Variants in CDYL observed in about 807,000 individuals in gnomAD.
The protein encoded by CDYL is chromodomain Y-like protein.
A neutral mutation model predicts 47.3 loss-of-function variants in CDYL; 8 were observed. The ratio of observed to expected loss-of-function variants is 0.17; its 90% CI spans 0.10 to 0.31. The LOEUF (loss-of-function observed/expected upper bound fraction) is 0.31. Among genes scored for constraint, CDYL ranks in the 10% least tolerant of loss-of-function variants. CDYL has a pLI of 1.00. For synonymous variants in CDYL, 266 were observed against 265.0 expected (o/e 1.00, Z -0.04); for missense variants, 471 against 701.4 (o/e 0.67, Z 3.71).
At chr6:4,814,527 ATTG>A (rs1161913986) in intron 1 of CDYL, among the ~76,000 whole-genome samples, 2 of 151,958 alleles carry the variant, frequency 1.3e-5, no homozygotes, top group Admixed American at 6.6e-5. Flanking sequence ...GTATTTTGTT[ATTG>A]TTGTTGTTTT....
intron 4 of CDYL, among the ~76,000 whole-genome samples, chr6:4,940,570 C>T (rs114032219): frequency 6.6e-6 from 1 of 152,190 alleles, no homozygotes; most frequent in Non-Finnish European, 1.5e-5. Flanking sequence ...GACGAGGATT[C>T]GTGGTTTGCA....
intron 1 of CDYL, among the ~76,000 whole-genome samples, chr6:4,786,934 G>A (rs1443359792): frequency 1.3e-5 from 2 of 152,186 alleles, no homozygotes; most frequent in Non-Finnish European, 2.9e-5. Context: ...CACTCCTCCT[G>A]TCCTGATTCT....
chr6:4,877,349 T>A (rs1035058544), intron 1 of CDYL, among the ~76,000 whole-genome samples: 1 of 152,260 alleles, frequency 6.6e-6, no homozygotes, highest in Non-Finnish European at 1.5e-5. Flanking sequence ...AATCTTTTTT[T>A]AAATCAATTT....
chr6:4,937,152 T>A (rs1758219919), intron 3 of CDYL, among the ~76,000 whole-genome samples: 1 of 151,838 alleles, frequency 6.6e-6, no homozygotes, highest in Admixed American at 6.6e-5. Flanking sequence ...AGCCCAGGAG[T>A]TCAAGACCAT....
chr6:4,895,410 TAC>T lies in CDYL; in HGVS notation c.691+3032_691+3033del, dbSNP rs766150942. On this transcript the variant is annotated intron_variant, in intron 2 of 6. Transcript: ENST00000397588. ...GTGCATATATGCATGTATACATGTA[TAC>T]GTATATATGCATGTATACATGTATA... 2.9e-5 allele frequency among the ~76,000 whole-genome samples: 2 copies of T among 69,466 alleles called. 1 individual carries two copies. Among genetic ancestry groups the T allele is most frequent in the African/African-American group, 9.4e-5 (2 of 21,210 alleles). The allele number at this position is 69,466 out of a possible 152,430, so 45.6% of individuals were successfully genotyped here. A position where few individuals can be genotyped will look rare whatever the true frequency, so the allele number is the denominator to read the frequency against.
intron 1 of CDYL, among the ~76,000 whole-genome samples, chr6:4,800,104 T>C (rs1325564153): frequency 6.6e-6 from 1 of 152,168 alleles, no homozygotes; most frequent in African/African-American, 2.4e-5. Context: ...TTTAAAATAA[T>C]CGGATAGTCC....
chr6:4,948,279 T>A (rs1758591223), intron 5 of CDYL, among the ~76,000 whole-genome samples: 1 of 152,158 alleles, frequency 6.6e-6, no homozygotes, highest in Non-Finnish European at 1.5e-5. Context: ...CACCTTGATG[T>A]TCAGACACAT....
intron 3 of CDYL, among the ~76,000 whole-genome samples, chr6:4,743,647 C>G (rs1458798259): frequency 6.6e-6 from 1 of 152,180 alleles, no homozygotes; most frequent in Non-Finnish European, 1.5e-5. Flanking sequence ...CACCACTGCT[C>G]CATGTCTGAT....
chr6:4,931,871 A>G (rs1362124117), intron 2 of CDYL, among the ~76,000 whole-genome samples: 4 of 152,184 alleles, frequency 2.6e-5, no homozygotes, highest in African/African-American at 9.7e-5. Context: ...GCCAAAATGA[A>G]TCCATTTTTA....
chr6:4,872,781 T>C (rs1292565274), intron 1 of CDYL, among the ~76,000 whole-genome samples: 1 of 152,234 alleles, frequency 6.6e-6, no homozygotes, highest in African/African-American at 2.4e-5. Context: ...AGAAAATTCT[T>C]AACCTCAAAA....
chr6:4,898,549 C>G (rs1214607297), intron 2 of CDYL, among the ~76,000 whole-genome samples: 2 of 152,158 alleles, frequency 1.3e-5, no homozygotes, highest in Non-Finnish European at 2.9e-5. Context: ...GGGAGTAGTC[C>G]TTTGAGACAT....
chr6:4,935,617 G>A lies in CDYL; in HGVS notation c.794G>A (p.Arg265Lys), dbSNP rs1425976374. The change falls in exon 3 of 7, where the codon AGA becomes AAA. Residue 265 changes from arginine (R) to lysine (K), a missense_variant. By Grantham distance (26) the Arg-to-Lys change is conservative. Coordinates refer to ENST00000397588, the MANE Select transcript of CDYL (RefSeq NM_004824.4). The stretch of plus-strand genomic sequence containing the variant: ...AGCAAAAGGAAATTTATTGACGACA[G>A]AAGAGACCAGCCTTTTGACAAGCGA... ...TASKRKFIDD[R>K]RDQPFDKRLR... The A allele has an allele frequency of 1.9e-6, 3 of 1,614,078 alleles. No individual in the cohort carries two copies. The highest frequency in any genetic ancestry group is 1.3e-5 in the African/African-American group (1 of 74,916).
chr6:4,732,498 T>A (rs899668754), intron 2 of CDYL, among the ~76,000 whole-genome samples: 5 of 150,820 alleles, frequency 3.3e-5, no homozygotes, highest in Middle Eastern at 6.9e-3. Flanking sequence ...TACAAAAACA[T>A]TAAAAAATAA....
chr6:4,863,426 A>C (rs1382914534), intron 1 of CDYL, among the ~76,000 whole-genome samples: 1 of 152,198 alleles, frequency 6.6e-6, no homozygotes, highest in South Asian at 2.1e-4. Flanking sequence ...AATAGAAAAA[A>C]TCGAGTCACA....
chr6:4,852,675 A>G (rs1760886958), intron 1 of CDYL, among the ~76,000 whole-genome samples: 1 of 152,156 alleles, frequency 6.6e-6, no homozygotes, highest in Admixed American at 6.5e-5. Flanking sequence ...GATTATAAGC[A>G]AAGATTTAAC....
At chr6:4,761,505 G>A (rs570942036) in intron 3 of CDYL, among the ~76,000 whole-genome samples, 27 of 152,186 alleles carry the variant, frequency 1.8e-4, no homozygotes, top group Middle Eastern at 3.4e-3. Flanking sequence ...CACCACGCCC[G>A]GCTAATTTTT....
intron 1 of CDYL, among the ~76,000 whole-genome samples, chr6:4,862,587 T>C (rs1761202830): frequency 6.6e-6 from 1 of 152,196 alleles, no homozygotes; most frequent in African/African-American, 2.4e-5. Context: ...TCCCTACCTT[T>C]GGGGGCTGTT....
At position 4,920,081 on chromosome 6, in the gene CDYL, C is replaced by T. The variant is rs78565108; in HGVS notation, c.692-15434C>T. Among the ~76,000 whole-genome samples the T allele has an allele frequency of 1.1e-4, 16 of 152,196 alleles. No homozygotes were observed. In the East Asian group the frequency reaches 1.9e-3, roughly 18 times the overall value. The stretch of plus-strand genomic sequence containing the variant: ...GGATGAACCTTGCGGACATGGTGCT[C>T]GGTGACATAAGGCCATCTAAAAAGG... On this transcript the variant is annotated intron_variant, in intron 2 of 6. Coordinates refer to ENST00000397588, the MANE Select transcript of CDYL (RefSeq NM_004824.4).
chr6:4,917,478 A>G (rs1018219643), intron 2 of CDYL, among the ~76,000 whole-genome samples: 1 of 152,194 alleles, frequency 6.6e-6, no homozygotes, highest in Non-Finnish European at 1.5e-5. Context: ...AATGTATACT[A>G]ATACTAATAC....
Sources: gnomAD v4.1 joint callset for allele counts (sites outside exome capture counted in the v4.1 genomes callset) on GRCh38, gnomAD v4.1.1 for gene constraint, MANE v1.5 for transcripts, NCBI Gene and HGNC (gene_info 2026-07-23, HGNC 2026-07-21) for gene names.